The following FER1L6 variants were observed in gnomAD, a reference collection of about 807,000 sequenced individuals.
The protein encoded by FER1L6 is fer-1 like family member 6, also known as fer-1-like protein 6.
FER1L6 carries 177 observed loss-of-function variants against 219.2 expected under a neutral mutation model. The ratio of observed to expected loss-of-function variants is 0.81; its 90% CI spans 0.71 to 0.91. FER1L6 has a LOEUF of 0.91. Ranked by LOEUF, FER1L6 falls within the 40% of genes least tolerant of loss-of-function variation. The pLI is 0.00. For missense variants in FER1L6, 2,153 were observed against 2,259.9 expected, an observed-to-expected ratio of 0.95 and a Z score of 0.96; for synonymous variants, 768 against 824.3, an observed-to-expected ratio of 0.93 and a Z score of 1.17.
chr8:123,857,633 C>T (rs1026530606), intron 1 of FER1L6, among the ~76,000 whole-genome samples: 1 of 152,182 alleles, frequency 6.6e-6, no homozygotes, highest in Non-Finnish European at 1.5e-5. Context: ...CTTCCTATCA[C>T]CCCTCCTGTT....
intron 18 of FER1L6, among the ~76,000 whole-genome samples, chr8:124,024,196 ATTTT>A (rs201365446): frequency 7.0e-6 from 1 of 142,460 alleles, no homozygotes; most frequent in Non-Finnish European, 1.5e-5. Context: ...GTACTTGGCC[ATTTT>A]TTTTTTTTTT....
At position 123,977,622 on chromosome 8, in the gene FER1L6, C is replaced by T. The variant is rs1410046720; in HGVS notation, c.1063+13C>T. ...GATGGAGACAAAGGTAAAGTCCCAT[C>T]CATCTGACTTGAAAAATGTCTCAAA... On this transcript the variant is annotated intron_variant, in intron 10 of 40. Transcript: ENST00000522917. The T allele has an allele frequency of 6.2e-7, 1 of 1,611,614 alleles. No individual in the cohort carries two copies. Among genetic ancestry groups the T allele is most frequent in the Admixed American group, 1.7e-5 (1 of 59,928 alleles).
At chr8:123,998,400 C>CTCTCTCTCTG (rs1817244376) in intron 12 of FER1L6, among the ~76,000 whole-genome samples, 5 of 149,412 alleles carry the variant, frequency 3.3e-5, no homozygotes, top group Non-Finnish European at 5.9e-5. Flanking sequence ...CTCTCTCTCT[C>CTCTCTCTCTG]TCTCTCTCTC....
At chr8:123,955,842 T>C (rs371965277) in intron 1 of FER1L6, 150 bp from the exon 2 acceptor site, 8 of 677,358 alleles carry the variant, frequency 1.2e-5, no homozygotes, top group South Asian at 1.2e-4. Flanking sequence ...GCTTGTTGGG[T>C]GCTGCTGATA....
rs563994595 is a variant in FER1L6 at position 123,881,657 on chromosome 8, C to A, written c.-8+29472C>A. On this transcript the variant is annotated intron_variant, in intron 1 of 40. Coordinates refer to ENST00000522917, the MANE Select transcript of FER1L6 (RefSeq NM_001039112.2). ...AATTAAAAGGGTAAAGCTTCAATACCGTAGACCCTGTGTGGCCCATCTTAA... is the reference window on the plus strand; with the variant it reads ...AATTAAAAGGGTAAAGCTTCAATACAGTAGACCCTGTGTGGCCCATCTTAA... 6.6e-5 allele frequency among the ~76,000 whole-genome samples: 10 copies of A among 152,246 alleles called. No individual in the cohort carries two copies. The South Asian group carries it at 1.9e-3, about 28-fold the overall frequency.
chr8:123,879,744 C>G (rs1817073284), intron 1 of FER1L6, among the ~76,000 whole-genome samples: 1 of 152,196 alleles, frequency 6.6e-6, no homozygotes, highest in South Asian at 2.1e-4. Context: ...CACACTCACA[C>G]ACATTCACTC....
chr8:124,006,312 A>T (rs1817652726), intron 13 of FER1L6, among the ~76,000 whole-genome samples: 1 of 152,206 alleles, frequency 6.6e-6, no homozygotes, highest in South Asian at 2.1e-4. Flanking sequence ...GATGCACCTC[A>T]TATCAGTGCT....
chr8:123,996,827 C>T (rs748494878), intron 12 of FER1L6, among the ~76,000 whole-genome samples: 12 of 151,964 alleles, frequency 7.9e-5, no homozygotes, highest in Non-Finnish European at 1.6e-4. Flanking sequence ...GCTTGAAATA[C>T]GATCTTGTAA....
chr8:123,918,897 C>T (rs1269553354), intron 1 of FER1L6, among the ~76,000 whole-genome samples: 5 of 152,016 alleles, frequency 3.3e-5, no homozygotes, highest in Non-Finnish European at 5.9e-5. Context: ...CAGGGTCAGG[C>T]GTGGGGTATG....
intron 30 of FER1L6, 33 bp from the exon 31 acceptor site, chr8:124,071,473 C>T (rs1821067231): frequency 6.2e-7 from 1 of 1,612,772 alleles, no homozygotes; most frequent in Non-Finnish European, 8.5e-7. Flanking sequence ...ATATGACCAT[C>T]TCATTTCAAT....
Position 123,966,038 on chromosome 8 carries a change from G to T in FER1L6, c.229G>T (p.Glu77Ter). 1 of 1,613,676 alleles carries T rather than the reference G, an allele frequency of 6.2e-7. No homozygotes were observed. The highest frequency in any genetic ancestry group is 8.5e-7 in the Non-Finnish European group (1 of 1,179,784). ...SKLLTKIHDG[E>*]VRSQNYQIAI... ...ACTGTTGACTAAGATCCATGATGGG[G>T]AGGTCAGATCCCAAAATTATCAAGT... Residue 77 changes from glutamate (E) to a stop codon, truncating the protein, a stop_gained, in exon 4 of 41, where the codon GAG (glutamate) becomes TAG (stop). Coordinates refer to ENST00000522917, the MANE Select transcript of FER1L6 (RefSeq NM_001039112.2). LOFTEE classifies it high-confidence loss of function.
intron 20 of FER1L6, among the ~76,000 whole-genome samples, chr8:124,044,269 A>C (rs1327349775): frequency 6.6e-6 from 1 of 152,220 alleles, no homozygotes; most frequent in Non-Finnish European, 1.5e-5. Flanking sequence ...AACTTCTGTT[A>C]TTAGTTGGTT....
Position 124,091,434 on chromosome 8 carries a change from A to G in FER1L6, c.4403A>G (p.Asn1468Ser), listed in dbSNP as rs550920633. 10 of 1,613,886 alleles carry G rather than the reference A, an allele frequency of 6.2e-6. No homozygotes were observed. The South Asian group carries it at 9.9e-5, about 16-fold the overall frequency. ...LQSQYEIEGY[N>S]AWRDTSKPTE... ...CCTCCACTTTTCAGAGAAGGATACAATGCCTGGAGAGACACGTCCAAACCC... is the reference window on the plus strand; with the variant it reads ...CCTCCACTTTTCAGAGAAGGATACAGTGCCTGGAGAGACACGTCCAAACCC... The change falls in exon 34 of 41, where the codon AAT (asparagine) becomes AGT (serine). Residue 1468 changes from asparagine (N) to serine (S), a missense_variant. Transcript: ENST00000522917.
intron 2 of FER1L6, among the ~76,000 whole-genome samples, chr8:123,962,561 G>A (rs1284066519): frequency 1.3e-5 from 2 of 152,130 alleles, no homozygotes; most frequent in Non-Finnish European, 2.9e-5. Flanking sequence ...CAAAAAGGAA[G>A]TATAATGAGG....
At chr8:124,072,115 C>T (rs1294676843) in intron 31 of FER1L6, among the ~76,000 whole-genome samples, 1 of 152,200 alleles carries the variant, frequency 6.6e-6, no homozygotes, top group East Asian at 1.9e-4. Context: ...GTTTTATCTG[C>T]TCCCTATGGT....
At chr8:123,938,463 A>G (rs1159940152) in intron 1 of FER1L6, among the ~76,000 whole-genome samples, 1 of 152,106 alleles carries the variant, frequency 6.6e-6, no homozygotes, top group Non-Finnish European at 1.5e-5. Flanking sequence ...TAATGCCCAC[A>G]ATAATAAGTC....
chr8:123,883,853 G>A (rs920429033), intron 1 of FER1L6, among the ~76,000 whole-genome samples: 3 of 152,162 alleles, frequency 2.0e-5, no homozygotes, highest in African/African-American at 7.2e-5. Context: ...TGAGGGCTCT[G>A]TTCTCATGAC....
At chr8:123,952,069 A>G (rs566474713) in intron 1 of FER1L6, among the ~76,000 whole-genome samples, 5 of 151,412 alleles carry the variant, frequency 3.3e-5, no homozygotes, top group East Asian at 3.9e-4. Flanking sequence ...AGCGGTGGAC[A>G]TGACATTACA....
At chr8:123,865,236 T>A (rs1344461060) in intron 1 of FER1L6, among the ~76,000 whole-genome samples, 1 of 149,670 alleles carries the variant, frequency 6.7e-6, no homozygotes, top group Non-Finnish European at 1.5e-5. Context: ...TGGAATACCC[T>A]GCAGTGTGAG....
Sources: gnomAD v4.1 joint callset for allele counts (sites outside exome capture counted in the v4.1 genomes callset) on GRCh38, gnomAD v4.1.1 for gene constraint, MANE v1.5 for transcripts, NCBI Gene and HGNC (gene_info 2026-07-23, HGNC 2026-07-21) for gene names.